Variants in ARHGDIB observed in about 807,000 individuals in gnomAD.
The protein encoded by ARHGDIB is Rho GDP dissociation inhibitor beta.
A neutral mutation model predicts 22.6 loss-of-function variants in ARHGDIB; 20 were observed. That is an observed-to-expected ratio of 0.88 (90% CI 0.62 to 1.28). The LOEUF is 1.28. Ranked by LOEUF, ARHGDIB falls within the 50% of genes most tolerant of loss-of-function variation. The pLI is 0.00. For missense variants in ARHGDIB, 254 were observed against 245.4 expected, an observed-to-expected ratio of 1.04 and a Z score of -0.23; for synonymous variants, 114 against 96.1, an observed-to-expected ratio of 1.19 and a Z score of -1.09.
At chr12:14,949,935 T>A (rs1864129756) in intron 2 of ARHGDIB, 50 bp from the exon 3 acceptor site, 2 of 1,500,226 alleles carry the variant, frequency 1.3e-6, no homozygotes, top group Middle Eastern at 1.7e-4. Flanking sequence ...ATGTGTATAG[T>A]GGGTGTGTGC....
chr12:14,950,743 G>T lies in ARHGDIB; in HGVS notation c.-12-19C>A. The stretch of plus-strand genomic sequence containing the variant: ...TCTATTTCTGGGAGACAGAATGACA[G>T]CCCGTTAGTCAACAAGTCATGAATA... On this transcript the variant is annotated intron_variant, in intron 1 of 5. Transcript: ENST00000228945. 6.4e-7 allele frequency: 1 copy of T among 1,566,576 alleles called. No individual in the cohort carries two copies. The highest frequency in any genetic ancestry group is 8.6e-7 in the Non-Finnish European group (1 of 1,161,244).
rs1341070721 is a variant in ARHGDIB, at chr12:14,944,828, A to G, written c.354T>C (p.Asp118=). The G allele has an allele frequency of 6.2e-7, 1 of 1,613,364 alleles. No individual in the cohort carries two copies. The highest frequency in any genetic ancestry group is 8.5e-7 in the Non-Finnish European group (1 of 1,179,632). ...GAACGTATTTCAGGCCTGACACAAT[A>G]TCCCTGTTCACCTGCAGGTGGGAAG... ...RVKIHFKVNR[D]IVSGLKYVQH... The change falls in exon 5 of 6, where the codon GAT becomes GAC. Residue 118 remains aspartate, a synonymous_variant. Coordinates refer to ENST00000228945, the MANE Select transcript of ARHGDIB (RefSeq NM_001175.7).
In ARHGDIB at chr12:14,945,567, C is replaced by T. The variant is rs563540689; in HGVS notation, c.343-728G>A. Among the ~76,000 whole-genome samples, 3 of 152,362 alleles carry T rather than the reference C, an allele frequency of 2.0e-5. No homozygotes were observed. In the South Asian group the frequency reaches 6.2e-4, roughly 32 times the overall value. On this transcript the variant is annotated intron_variant, in intron 4 of 5. Coordinates refer to ENST00000228945, the MANE Select transcript of ARHGDIB (RefSeq NM_001175.7). ...ACCTGGGTTGTCTGTTAATTTTACA[C>T]AGTCGTTATGTCTATACAAACAAAT... is the stretch of plus-strand genomic sequence containing the variant.
At chr12:14,949,489 T>A (rs1864115244) in intron 3 of ARHGDIB, among the ~76,000 whole-genome samples, 1 of 152,200 alleles carries the variant, frequency 6.6e-6, no homozygotes, top group Non-Finnish European at 1.5e-5. Context: ...GCACACAATT[T>A]GTTTCTTAAT....
chr12:14,942,267 T>G lies in ARHGDIB; in HGVS notation c.*255A>C. Reference sequence around the variant, plus strand: ...GGTAAGACAGGGAAATATTAAATGATTGTGTACTGAGATGGAGACGTGGAA... The same window carrying G: ...GGTAAGACAGGGAAATATTAAATGAGTGTGTACTGAGATGGAGACGTGGAA... On this transcript the variant is annotated 3_prime_UTR_variant, in exon 6 of 6. Coordinates refer to ENST00000228945, the MANE Select transcript of ARHGDIB (RefSeq NM_001175.7). 2.0e-6 allele frequency: 1 copy of G among 504,724 alleles called. No homozygotes were observed. The highest frequency in any genetic ancestry group is 3.6e-6 in the Non-Finnish European group (1 of 277,822). The allele number at this position is 504,724 out of a possible 1,614,324, so 31.3% of individuals were successfully genotyped here. A position where few individuals can be genotyped will look rare whatever the true frequency, so the allele number is the denominator to read the frequency against.
intron 1 of ARHGDIB, among the ~76,000 whole-genome samples, chr12:14,953,163 GAC>G (rs990803649): frequency 4.9e-4 from 74 of 152,282 alleles, no homozygotes; most frequent in African/African-American, 1.7e-3. Context: ...CATAAAAAGA[GAC>G]ACAAATTTAC....
chr12:14,948,097 C>G, intron 3 of ARHGDIB, 148 bp from the exon 4 acceptor site: 1 of 501,724 alleles, frequency 2.0e-6, no homozygotes, highest in Non-Finnish European at 3.6e-6. Context: ...GAGTTTAGTC[C>G]TTGCACACAC....
chr12:14,950,007 A>G, intron 2 of ARHGDIB, 122 bp from the exon 3 acceptor site: 1 of 904,430 alleles, frequency 1.1e-6, no homozygotes, highest in Non-Finnish European at 1.7e-6. Flanking sequence ...GAGTAGAAAT[A>G]GAAATGGATG....
At chr12:14,948,006 A>C (rs991034826) in intron 3 of ARHGDIB, 57 bp from the exon 4 acceptor site, 1 of 1,466,414 alleles carries the variant, frequency 6.8e-7, no homozygotes, top group African/African-American at 1.4e-5. Flanking sequence ...CAAGTTAATA[A>C]ATGACTTTTA....
At chr12:14,953,138 A>G (rs1428794955) in intron 1 of ARHGDIB, among the ~76,000 whole-genome samples, 1 of 152,216 alleles carries the variant, frequency 6.6e-6, no homozygotes, top group Non-Finnish European at 1.5e-5. Flanking sequence ...TTGCAAACAG[A>G]TATAACAATT....
intron 4 of ARHGDIB, among the ~76,000 whole-genome samples, chr12:14,946,582 A>G (rs1292044736): frequency 6.6e-6 from 1 of 152,154 alleles, no homozygotes; most frequent in Non-Finnish European, 1.5e-5. Flanking sequence ...TCTGAATTAG[A>G]GAGTACTCAA....
rs913863468 is a variant in ARHGDIB at position 14,950,708 on chromosome 12, G to A, written c.5C>T (p.Thr2Ile). 4 of 1,605,584 alleles carry A rather than the reference G, an allele frequency of 2.5e-6. No homozygotes were observed. In the African/African-American group the frequency reaches 4.0e-5, roughly 16 times the overall value. The change falls in exon 2 of 6, where the codon ACT becomes ATT. Residue 2 changes from threonine (T) to isoleucine (I), a missense_variant. Physicochemically the swap from Thr to Ile is moderately conservative, Grantham distance 89 (BLOSUM62 -1). Coordinates refer to ENST00000228945, the MANE Select transcript of ARHGDIB (RefSeq NM_001175.7). M[T>I]EKAPEPHVEE... ...CACATGTGGCTCTGGGGCTTTTTCA[G>A]TCATTCTGATCTATTTCTGGGAGAC...
intron 4 of ARHGDIB, among the ~76,000 whole-genome samples, chr12:14,947,088 G>A (rs1864035292): frequency 1.3e-5 from 2 of 152,230 alleles, no homozygotes; most frequent in African/African-American, 4.8e-5. Context: ...AGCAGATGGA[G>A]TCTTCCTTGG....
intron 1 of ARHGDIB, chr12:14,956,456 AT>A (rs1254943587): frequency 6.6e-6 from 1 of 152,182 alleles, no homozygotes; most frequent in African/African-American, 2.4e-5. Context: ...TAAAAGGGAG[AT>A]TGGGGAGGAC....
At chr12:14,950,786 G>A (rs1864156374) in intron 1 of ARHGDIB, 62 bp from the exon 2 acceptor site, 3 of 1,399,200 alleles carry the variant, frequency 2.1e-6, no homozygotes, top group South Asian at 2.9e-5. Flanking sequence ...TGTTAGTGGG[G>A]CTGCTGTTAG....
At chr12:14,944,659 A>G in intron 5 of ARHGDIB, 117 bp downstream of exon 5, 1 of 964,696 alleles carries the variant, frequency 1.0e-6, no homozygotes, top group Non-Finnish European at 1.6e-6. Flanking sequence ...TAGAGCCGGC[A>G]TCCACAGCTT....
chr12:14,958,094 T>G (rs2120762771), intron 1 of ARHGDIB, among the ~76,000 whole-genome samples: 1 of 152,284 alleles, frequency 6.6e-6, no homozygotes, highest in Non-Finnish European at 1.5e-5. Flanking sequence ...TCTAAAACAC[T>G]GTTGACATTT....
chr12:14,952,696 C>T (rs945599198), intron 1 of ARHGDIB, among the ~76,000 whole-genome samples: 3 of 152,278 alleles, frequency 2.0e-5, no homozygotes, highest in South Asian at 2.1e-4. Flanking sequence ...GAGACAGGGG[C>T]ATACCCAGAA....
chr12:14,952,802 G>A (rs572832461), intron 1 of ARHGDIB, among the ~76,000 whole-genome samples: 7 of 152,328 alleles, frequency 4.6e-5, no homozygotes, highest in African/African-American at 7.2e-5. Flanking sequence ...AGCCCCCATG[G>A]TCAGGCCTTT....
Sources: allele counts gnomAD v4.1 joint callset (sites outside exome capture counted in the v4.1 genomes callset), GRCh38; gene constraint gnomAD v4.1.1; transcripts MANE v1.5; gene names NCBI Gene and HGNC (gene_info 2026-07-23, HGNC 2026-07-21).